Variants in RGP1 observed in about 807,000 individuals in gnomAD.
The protein encoded by RGP1 is RGP1 partner of RAB6A GEF complex, also known as RAB6A-GEF complex partner protein 2.
A neutral mutation model predicts 44.5 loss-of-function variants in RGP1; 28 were observed. That is an observed-to-expected ratio of 0.63 (90% CI 0.47 to 0.86). The LOEUF (loss-of-function observed/expected upper bound fraction) is 0.86, where lower values mean the gene tolerates loss of function less well. Among genes scored for constraint, RGP1 ranks in the 40% least tolerant of loss-of-function variants. The pLI is 0.00. For missense variants in RGP1, 417 were observed against 490.7 expected (o/e 0.85, Z 1.42); for synonymous variants, 212 against 196.7 (o/e 1.08, Z -0.65).
the RGP1 span, among the ~76,000 whole-genome samples, chr9:35,786,348 T>C: frequency 5.3e-5 from 8 of 152,358 alleles, no homozygotes; most frequent in African/African-American, 1.9e-4. Flanking sequence ...GGGAATATTA[T>C]ATTTGAGACT....
chr9:35,788,656 A>G, the RGP1 span, among the ~76,000 whole-genome samples: 4 of 152,246 alleles, frequency 2.6e-5, no homozygotes, highest in South Asian at 6.2e-4. Context: ...TGTGGATTAG[A>G]AGAAGGCCAT....
the RGP1 span, among the ~76,000 whole-genome samples, chr9:35,782,401 C>T: frequency 3.3e-5 from 5 of 152,162 alleles, no homozygotes; most frequent in Non-Finnish European, 5.9e-5. Context: ...AAAACACTCA[C>T]ACAATTTTAA....
the RGP1 span, among the ~76,000 whole-genome samples, chr9:35,772,689 G>T: frequency 6.6e-6 from 1 of 152,014 alleles, no homozygotes; most frequent in East Asian, 1.9e-4. Flanking sequence ...TACTCAGGAG[G>T]CTGAGGCAGG....
At chr9:35,750,424 G>A in intron 3 of RGP1, 45 bp downstream of exon 3, 2 of 1,599,394 alleles carry the variant, frequency 1.3e-6, no homozygotes, top group South Asian at 1.1e-5. Flanking sequence ...TGCGGAGGGT[G>A]TGTGTGGAGG....
chr9:35,752,270 C>A, intron 8 of RGP1, 125 bp downstream of exon 8: 1 of 973,414 alleles, frequency 1.0e-6, no homozygotes, highest in Non-Finnish European at 1.5e-6. Flanking sequence ...GCCTCTGACC[C>A]GGAACAGTTT....
At position 35,754,246 on chromosome 9, in the gene RGP1, G is replaced by T; in HGVS notation, c.*1372G>T. 1 of 1,340,810 alleles carries T rather than the reference G, an allele frequency of 7.5e-7. No individual in the cohort carries two copies. Among genetic ancestry groups the T allele is most frequent in the Non-Finnish European group, 1.0e-6 (1 of 990,522 alleles). The allele number at this position is 1,340,810 out of a possible 1,614,324, so 83.1% of individuals were successfully genotyped here. A position where few individuals can be genotyped will look rare whatever the true frequency, so the allele number is the denominator to read the frequency against. On this transcript the variant is annotated 3_prime_UTR_variant, in exon 9 of 9. Coordinates refer to ENST00000378078, the MANE Select transcript of RGP1 (RefSeq NM_001080496.3). ...TCTTAGTTTCTGTCTTTCTCCCCTG[G>T]GCTCCTGTCTCACACTATCTCCCTG...
At chr9:35,776,918 C>A in the RGP1 span, among the ~76,000 whole-genome samples, 1 of 150,610 alleles carries the variant, frequency 6.6e-6, no homozygotes, top group Non-Finnish European at 1.5e-5. Flanking sequence ...TCGCTTGAAC[C>A]TGGGAGGTGG....
At position 35,750,691 on chromosome 9, in the gene RGP1, C is replaced by G. The variant is rs776216680; in HGVS notation, c.287C>G (p.Pro96Arg). 6.2e-7 allele frequency: 1 copy of G among 1,613,844 alleles called. No homozygotes were observed. Among genetic ancestry groups the G allele is most frequent in the Non-Finnish European group, 8.5e-7 (1 of 1,179,874 alleles). The change falls in exon 4 of 9, where the codon CCG becomes CGG. Residue 96 changes from proline (P) to arginine (R), a missense_variant. Physicochemically the swap from Pro to Arg is moderately radical, Grantham distance 103. Transcript: ENST00000378078. The part of the protein sequence containing the change: ...ERGQCILSTP[P>R]KILFCDLRLD... ...GGCCAGTGTATCCTTTCTACTCCACCGAAAATTCTATTCTGTGACCTGAGG... is the reference window on the plus strand; with the variant it reads ...GGCCAGTGTATCCTTTCTACTCCACGGAAAATTCTATTCTGTGACCTGAGG...
chr9:35,777,660 T>C, the RGP1 span, among the ~76,000 whole-genome samples: 1 of 152,194 alleles, frequency 6.6e-6, no homozygotes, highest in Non-Finnish European at 1.5e-5. Context: ...CTAACTCTTC[T>C]TCTTCAGACC....
At chr9:35,788,753 C>A in the RGP1 span, among the ~76,000 whole-genome samples, 15 of 152,084 alleles carry the variant, frequency 9.9e-5, no homozygotes, top group African/African-American at 3.6e-4. Context: ...CTATGTATTG[C>A]AGCATGGTCA....
the RGP1 span, among the ~76,000 whole-genome samples, chr9:35,776,798 A>G: frequency 1.3e-5 from 2 of 151,706 alleles, no homozygotes; most frequent in African/African-American, 2.4e-5. Flanking sequence ...GATCGAGACC[A>G]TCCTGGCTAA....
intron 3 of RGP1, 62 bp from the exon 4 acceptor site, chr9:35,750,596 G>A (rs146324889): frequency 3.5e-5 from 54 of 1,553,714 alleles, no homozygotes; most frequent in East Asian, 1.3e-4. Context: ...TCCACTTGCC[G>A]TGCTAGTCTT....
chr9:35,766,007 T>C, the RGP1 span, among the ~76,000 whole-genome samples: 4 of 151,720 alleles, frequency 2.6e-5, no homozygotes, highest in East Asian at 7.8e-4. Context: ...GCTAATTTTT[T>C]TATTTTTAGT....
rs559580726 is a variant in RGP1, at chr9:35,754,059, A to G, written c.*1185A>G. The G allele has an allele frequency of 6.2e-7, 1 of 1,613,732 alleles. No homozygotes were observed. The highest frequency in any genetic ancestry group is 1.7e-5 in the Admixed American group (1 of 59,992). ...TGGGTGCTGGAGGAGTAGAGACATC[A>G]CCAAGCAGATGATCCCCCAGCCTCC... On this transcript the variant is annotated 3_prime_UTR_variant, in exon 9 of 9. Coordinates refer to ENST00000378078, the MANE Select transcript of RGP1 (RefSeq NM_001080496.3).
chr9:35,783,100 C>T, the RGP1 span, among the ~76,000 whole-genome samples: 3 of 152,134 alleles, frequency 2.0e-5, no homozygotes, highest in Non-Finnish European at 2.9e-5. Context: ...TGAGCCACTG[C>T]GCCTGGCCCT....
intron 5 of RGP1, 106 bp downstream of exon 5, chr9:35,751,095 G>A: frequency 6.7e-7 from 1 of 1,502,650 alleles, no homozygotes; most frequent in Admixed American, 1.8e-5. Context: ...CCTGGTCTCA[G>A]TGACAGTGCT....
the RGP1 span, among the ~76,000 whole-genome samples, chr9:35,778,285 A>G: frequency 1.3e-5 from 2 of 152,312 alleles, no homozygotes; most frequent in Admixed American, 6.5e-5. Context: ...CTGGGCAACA[A>G]GAGCGAAATT....
At chr9:35,784,703 C>T in the RGP1 span, among the ~76,000 whole-genome samples, 1 of 152,028 alleles carries the variant, frequency 6.6e-6, no homozygotes, top group Non-Finnish European at 1.5e-5. Context: ...CTCCTGATCT[C>T]GTGATCCACC....
the RGP1 span, among the ~76,000 whole-genome samples, chr9:35,772,800 A>G: frequency 1.3e-5 from 2 of 152,124 alleles, no homozygotes; most frequent in African/African-American, 4.8e-5. Flanking sequence ...CAAAAAAAAA[A>G]AAAAAAAAAG....
Sources: gnomAD v4.1 joint callset for allele counts (sites outside exome capture counted in the v4.1 genomes callset) on GRCh38, gnomAD v4.1.1 for gene constraint, MANE v1.5 for transcripts, NCBI Gene and HGNC (gene_info 2026-07-23, HGNC 2026-07-21) for gene names.